Variants in FANCA observed in about 807,000 individuals in gnomAD.
FANCA encodes the protein Fanconi anemia group A protein.
FANCA carries 236 observed loss-of-function variants against 194.3 expected under a neutral mutation model. The observed-to-expected ratio is 1.21, with a 90% CI of 1.09 to 1.35. The LOEUF (loss-of-function observed/expected upper bound fraction) is 1.35, where lower values mean the gene tolerates loss of function less well. Among genes scored for constraint, FANCA ranks in the 40% most tolerant of loss-of-function variants. The pLI is 0.00. For missense variants in FANCA, 2,628 were observed against 1,813.9 expected (o/e 1.45, Z -8.15); for synonymous variants, 1,014 against 715.8 (o/e 1.42, Z -6.65).
In FANCA at chr16:89,810,996, C is replaced by G; in HGVS notation, c.359G>C (p.Ser120Thr). Residue 120 changes from serine (S) to threonine (T), a missense_variant, in exon 4 of 43, where the codon AGC (serine) becomes ACC (threonine). Coordinates refer to ENST00000389301, the MANE Select transcript of FANCA (RefSeq NM_000135.4). ...TGGAGCCGTGCAGATCTGTCCCACGCTAGAGGCAACCATCCCGGCTGAGAG... is the reference window on the plus strand; with the variant it reads ...TGGAGCCGTGCAGATCTGTCCCACGGTAGAGGCAACCATCCCGGCTGAGAG... The part of the protein sequence containing the change: ...GILSAGMVAS[S>T]VGQICTAPAE... The G allele has an allele frequency of 6.2e-7, 1 of 1,614,066 alleles. No homozygotes were observed. Among genetic ancestry groups the G allele is most frequent in the Middle Eastern group, 1.6e-4 (1 of 6,062 alleles).
Position 89,738,528 on chromosome 16 carries a change from A to G in FANCA, c.*73T>C, listed in dbSNP as rs2062025631. ...GATTTGTAATCCACTTTTTAGTGCA[A>G]CAAGAGCTCCATGTTATGCTTGTAA... On this transcript the variant is annotated 3_prime_UTR_variant, in exon 43 of 43. Coordinates refer to ENST00000389301, the MANE Select transcript of FANCA (RefSeq NM_000135.4). The G allele has an allele frequency of 3.1e-6, 5 of 1,605,376 alleles. No homozygotes were observed. In the East Asian group the frequency reaches 6.7e-5, roughly 21 times the overall value.
chr16:89,771,574 G>C, intron 23 of FANCA, 104 bp downstream of exon 23: 1 of 1,360,574 alleles, frequency 7.3e-7, no homozygotes, highest in Non-Finnish European at 1.0e-6. Flanking sequence ...GACACTAACT[G>C]AGCAAGTCAA....
At chr16:89,742,177 A>T (rs1397958844) in intron 37 of FANCA, among the ~76,000 whole-genome samples, 1 of 151,992 alleles carries the variant, frequency 6.6e-6, no homozygotes, top group African/African-American at 2.4e-5. Context: ...GGGTTTCACC[A>T]TGTTGCCCAA....
At position 89,778,867 on chromosome 16, in the gene FANCA, G is replaced by C. The variant is rs1468919595; in HGVS notation, c.1777-17C>G. 9.9e-6 allele frequency: 16 copies of C among 1,613,786 alleles called. No homozygotes were observed. Among genetic ancestry groups the C allele is most frequent in the South Asian group, 3.3e-5 (3 of 91,080 alleles). ...TTTGGGGAGCTGTGGGAAGAGAAGA[G>C]ACCTGTGAGAGACTGACAAGGAAAG... On this transcript the variant is annotated splice_polypyrimidine_tract_variant and intron_variant, in intron 19 of 42. Coordinates refer to ENST00000389301, the MANE Select transcript of FANCA (RefSeq NM_000135.4).
rs761878071 is a variant in FANCA, at chr16:89,808,402, CA to C, written c.523-36del. On this transcript the variant is annotated intron_variant, in intron 5 of 42. Coordinates refer to ENST00000389301, the MANE Select transcript of FANCA (RefSeq NM_000135.4). ...AAAACAAAACAAACAAAAACAAAAA[CA>C]AAAAAACCCCCAGCATTCTGAGTCC... is the stretch of plus-strand genomic sequence containing the variant. 170 of 1,604,200 alleles carry C rather than the reference CA, an allele frequency of 1.1e-4. 1 individual carries two copies. In the Middle Eastern group the frequency reaches 2.8e-3, roughly 27 times the overall value.
At chr16:89,739,354 G>A in intron 40 of FANCA, 65 bp from the exon 41 acceptor site, 1 of 1,600,028 alleles carries the variant, frequency 6.2e-7, no homozygotes, top group South Asian at 1.1e-5. Context: ...TGATGCCAAG[G>A]GATACTGCTC....
chr16:89,792,626 G>C, intron 11 of FANCA, 79 bp from the exon 12 acceptor site: 2 of 1,199,302 alleles, frequency 1.7e-6, no homozygotes, highest in Non-Finnish European at 2.4e-6. Context: ...CAGCCCCACA[G>C]GGTCGGTGGG....
chr16:89,799,972 C>T (rs755892493), intron 8 of FANCA, among the ~76,000 whole-genome samples: 4 of 152,016 alleles, frequency 2.6e-5, no homozygotes, highest in Non-Finnish European at 5.9e-5. Context: ...CCGGCCCGGG[C>T]GAAAGAGCCA....
chr16:89,767,652 A>C (rs1454949787), intron 26 of FANCA, among the ~76,000 whole-genome samples: 1 of 151,700 alleles, frequency 6.6e-6, no homozygotes, highest in African/African-American at 2.4e-5. Context: ...AGGTTCAAGC[A>C]ATTCTCCTGC....
chr16:89,792,218 G>C, intron 12 of FANCA, 150 bp from the exon 13 acceptor site: 2 of 1,012,330 alleles, frequency 2.0e-6, no homozygotes, highest in East Asian at 4.9e-5. Flanking sequence ...TCACACCGTG[G>C]CGTCTCTCCC....
intron 28 of FANCA, among the ~76,000 whole-genome samples, chr16:89,763,464 C>G (rs1473123769): frequency 6.6e-6 from 1 of 151,942 alleles, no homozygotes; most frequent in Non-Finnish European, 1.5e-5. Flanking sequence ...GCATGAGCCA[C>G]TGTGCCCAGC....
At chr16:89,746,766 C>T (rs775360456) in intron 34 of FANCA, 65 bp downstream of exon 34, 25 of 1,593,064 alleles carry the variant, frequency 1.6e-5, no homozygotes, top group Middle Eastern at 3.3e-4. Flanking sequence ...TCACAGGAAG[C>T]TGACAGGAGG....
At chr16:89,813,409 TAAAA>T (rs34267963) in intron 3 of FANCA, among the ~76,000 whole-genome samples, 1 of 139,612 alleles carries the variant, frequency 7.2e-6, no homozygotes, top group Non-Finnish European at 1.6e-5. Context: ...CCCTGTCTGT[TAAAA>T]AAAAAAAAAA....
intron 40 of FANCA, 87 bp from the exon 41 acceptor site, chr16:89,739,376 A>G (rs1165964423): frequency 2.1e-5 from 34 of 1,586,670 alleles, no homozygotes; most frequent in Non-Finnish European, 2.8e-5. Flanking sequence ...TCTGTGGAGC[A>G]GAGGCACAGA....
chr16:89,796,906 C>G (rs953991506), intron 10 of FANCA, among the ~76,000 whole-genome samples: 1 of 152,126 alleles, frequency 6.6e-6, no homozygotes, highest in African/African-American at 2.4e-5. Flanking sequence ...CACCTGTAAT[C>G]CCAGCACTTT....
intron 2 of FANCA, 100 bp downstream of exon 2, chr16:89,815,776 GC>G (rs2041089111): frequency 2.0e-6 from 2 of 990,410 alleles, no homozygotes; most frequent in South Asian, 2.6e-5. Context: ...AGGCCACCGC[GC>G]CCGCCGCCTC....
chr16:89,806,936 G>A (rs547066340), intron 6 of FANCA, among the ~76,000 whole-genome samples: 2 of 152,160 alleles, frequency 1.3e-5, no homozygotes, highest in Non-Finnish European at 2.9e-5. Context: ...CCGGGCAGAG[G>A]CGCCCCTCAC....
At position 89,738,214 on chromosome 16, in the gene FANCA, G is replaced by A; in HGVS notation, c.*387C>T. On this transcript the variant is annotated 3_prime_UTR_variant, in exon 43 of 43. Coordinates refer to ENST00000389301, the MANE Select transcript of FANCA (RefSeq NM_000135.4). ...GCCACCGAGCCCCTCTGTGACCACA[G>A]AGGGCCAGGCGGTGAAGCCCGAACC... The A allele has an allele frequency of 1.2e-6, 2 of 1,610,190 alleles. No homozygotes were observed. Among genetic ancestry groups the A allele is most frequent in the African/African-American group, 1.3e-5 (1 of 74,958 alleles).
intron 5 of FANCA, among the ~76,000 whole-genome samples, chr16:89,809,374 A>G (rs1379089781): frequency 6.6e-6 from 1 of 152,148 alleles, no homozygotes; most frequent in Non-Finnish European, 1.5e-5. Flanking sequence ...CAGGGACCAA[A>G]GCAATAACTG....
Sources: allele counts gnomAD v4.1 joint callset (sites outside exome capture counted in the v4.1 genomes callset), GRCh38; gene constraint gnomAD v4.1.1; transcripts MANE v1.5; gene names NCBI Gene and HGNC (gene_info 2026-07-23, HGNC 2026-07-21).